The following TMTC2 variants were observed in gnomAD, a reference collection of about 807,000 sequenced individuals.
TMTC2 encodes the protein protein O-mannosyl-transferase TMTC2.
A neutral mutation model predicts 82.4 loss-of-function variants in TMTC2; 43 were observed. The observed-to-expected ratio is 0.52, with a 90% CI of 0.41 to 0.67. TMTC2 has a LOEUF of 0.67. TMTC2 is among the 30% of genes least tolerant of loss of function. The pLI is 0.00. For synonymous variants in TMTC2, 408 were observed against 381.9 expected, an observed-to-expected ratio of 1.07 and a Z score of -0.80; for missense variants, 919 against 1,012.4, an observed-to-expected ratio of 0.91 and a Z score of 1.25.
chr12:82,768,877 A>G (rs780772904), intron 1 of TMTC2, among the ~76,000 whole-genome samples: 1 of 152,090 alleles, frequency 6.6e-6, no homozygotes, highest in Non-Finnish European at 1.5e-5. Flanking sequence ...TGACTGTGGC[A>G]AGATTGTGAC....
intron 2 of TMTC2, among the ~76,000 whole-genome samples, chr12:82,876,580 T>TGAG (rs1245381547): frequency 1.3e-5 from 2 of 152,228 alleles, no homozygotes; most frequent in Admixed American, 1.3e-4. Context: ...ATTTTCTCCC[T>TGAG]GTTTTTTAAA....
intron 1 of TMTC2, among the ~76,000 whole-genome samples, chr12:82,840,404 G>T (rs1870268872): frequency 6.6e-6 from 1 of 152,206 alleles, no homozygotes; most frequent in Non-Finnish European, 1.5e-5. Context: ...GGAGTAAAAA[G>T]TTAGATTGGT....
At chr12:82,993,261 G>A (rs1879474992) in intron 8 of TMTC2, among the ~76,000 whole-genome samples, 1 of 152,100 alleles carries the variant, frequency 6.6e-6, no homozygotes, top group Non-Finnish European at 1.5e-5. Flanking sequence ...GGGGTTACAG[G>A]CGTGAGCCAC....
At chr12:83,020,347 T>C (rs923344874) in intron 8 of TMTC2, among the ~76,000 whole-genome samples, 1 of 152,228 alleles carries the variant, frequency 6.6e-6, no homozygotes, top group African/African-American at 2.4e-5. Context: ...GGAAATTTCA[T>C]TGTTTTAATT....
rs747744450 is a variant in TMTC2, at chr12:82,965,015, C to T, written c.1599-9C>T. The T allele has an allele frequency of 1.9e-6, 3 of 1,603,150 alleles. No homozygotes were observed. The highest frequency in any genetic ancestry group is 2.2e-5 in the South Asian group (2 of 88,970). On this transcript the variant is annotated splice_polypyrimidine_tract_variant and intron_variant, in intron 4 of 11. Transcript: ENST00000321196. ...GTCCTTTCTCTAAATTTCTGTTTTC[C>T]TCATGCAGAGGGCTACTTCTCCAGG...
intron 3 of TMTC2, among the ~76,000 whole-genome samples, chr12:82,916,951 T>C (rs1875036886): frequency 6.6e-6 from 1 of 152,196 alleles, no homozygotes; most frequent in South Asian, 2.1e-4. Flanking sequence ...CTACTTAATA[T>C]TTTAACTATA....
chr12:82,764,573 A>T (rs1205868539), intron 1 of TMTC2, among the ~76,000 whole-genome samples: 1 of 152,180 alleles, frequency 6.6e-6, no homozygotes, highest in Non-Finnish European at 1.5e-5. Context: ...ATGCTTAAAG[A>T]TACTTTATTA....
chr12:83,001,266 G>A (rs140922401), intron 8 of TMTC2, among the ~76,000 whole-genome samples: 27 of 152,114 alleles, frequency 1.8e-4, no homozygotes, highest in African/African-American at 5.5e-4. Flanking sequence ...AAACTTTTAC[G>A]CTCTGCTTCC....
At position 82,916,845 on chromosome 12, in the gene TMTC2, C is replaced by G. The variant is rs142836225; in HGVS notation, c.1484-13586C>G. Among the ~76,000 whole-genome samples the G allele has an allele frequency of 1.8e-4, 28 of 152,130 alleles. No individual in the cohort carries two copies. In the East Asian group the frequency reaches 4.2e-3, roughly 23 times the overall value. On this transcript the variant is annotated intron_variant, in intron 3 of 11. Transcript: ENST00000321196. The stretch of plus-strand genomic sequence containing the variant: ...ATAGGGGAAAGAGAAATAATTGTAT[C>G]TTGTAGAATTCCTGTAATTAGAATT...
rs141343429 is a variant in TMTC2, at chr12:83,117,406, G to A, written c.2332-14804G>A. On this transcript the variant is annotated intron_variant, in intron 11 of 11. Coordinates refer to ENST00000321196, the MANE Select transcript of TMTC2 (RefSeq NM_152588.3). Reference sequence around the variant, plus strand: ...AGCTAACTGAATCTAACAACATATCGAAAAGATAATTCACTACGATCAAGT... The same window carrying A: ...AGCTAACTGAATCTAACAACATATCAAAAAGATAATTCACTACGATCAAGT... Among the ~76,000 whole-genome samples the A allele has an allele frequency of 1.7e-3, 260 of 152,160 alleles. 1 individual carries two copies. The highest frequency in any genetic ancestry group is 5.7e-3 in the African/African-American group (236 of 41,530).
At chr12:83,057,133 A>G (rs1882573256) in intron 10 of TMTC2, among the ~76,000 whole-genome samples, 1 of 151,948 alleles carries the variant, frequency 6.6e-6, no homozygotes, top group Non-Finnish European at 1.5e-5. Context: ...CATTGCCGAT[A>G]CACATACCCT....
chr12:83,021,401 C>A (rs1880917012), intron 8 of TMTC2, among the ~76,000 whole-genome samples: 2 of 152,200 alleles, frequency 1.3e-5, no homozygotes, highest in South Asian at 2.1e-4. Flanking sequence ...ATAAATGATA[C>A]CTGCATTCAC....
intron 8 of TMTC2, among the ~76,000 whole-genome samples, chr12:82,994,629 T>TAA (rs796451657): frequency 1.2e-4 from 15 of 123,940 alleles, no homozygotes; most frequent in East Asian, 7.1e-4. Flanking sequence ...CTTACAGAAC[T>TAA]AAAAAAAAAA....
At chr12:82,989,789 C>T (rs1879324732) in intron 8 of TMTC2, among the ~76,000 whole-genome samples, 1 of 149,848 alleles carries the variant, frequency 6.7e-6, no homozygotes. Flanking sequence ...TTTAATTTAC[C>T]AAACCATATG....
chr12:82,941,675 G>A (rs1876729489), intron 4 of TMTC2, among the ~76,000 whole-genome samples: 2 of 152,238 alleles, frequency 1.3e-5, no homozygotes. Flanking sequence ...TGTCCACAAA[G>A]CATAAAAGCA....
intron 3 of TMTC2, among the ~76,000 whole-genome samples, chr12:82,917,162 G>T (rs1342723138): frequency 6.6e-6 from 1 of 152,050 alleles, no homozygotes; most frequent in Non-Finnish European, 1.5e-5. Flanking sequence ...TAGATGGAGT[G>T]GGAAGACAGT....
chr12:83,117,230 A>G (rs1172229216), intron 11 of TMTC2, among the ~76,000 whole-genome samples: 4 of 152,062 alleles, frequency 2.6e-5, no homozygotes, highest in Admixed American at 2.6e-4. Flanking sequence ...TTTCATTGAC[A>G]CAAGATAGAG....
intron 1 of TMTC2, among the ~76,000 whole-genome samples, chr12:82,790,852 A>G (rs1878437561): frequency 6.6e-6 from 1 of 151,684 alleles, no homozygotes; most frequent in African/African-American, 2.4e-5. Flanking sequence ...AGAAAGAAAA[A>G]GAAAAAGAAA....
At chr12:82,825,907 TTAAC>T (rs1869394298) in intron 1 of TMTC2, among the ~76,000 whole-genome samples, 1 of 151,994 alleles carries the variant, frequency 6.6e-6, no homozygotes, top group Admixed American at 6.5e-5. Context: ...TTGCTGGAGA[TTAAC>T]TGAGTTCCTT....
Sources: gnomAD v4.1 joint callset for allele counts (sites outside exome capture counted in the v4.1 genomes callset) on GRCh38, gnomAD v4.1.1 for gene constraint, MANE v1.5 for transcripts, NCBI Gene and HGNC (gene_info 2026-07-23, HGNC 2026-07-21) for gene names.